ANO10: variants seen among roughly 807,000 people sequenced by gnomAD.
ANO10 encodes anoctamin-10.
ANO10 carries 77 observed loss-of-function variants against 74.7 expected under a neutral mutation model. The ratio of observed to expected loss-of-function variants is 1.03; its 90% CI spans 0.86 to 1.25. The LOEUF is 1.25. Ranked by LOEUF, ANO10 falls within the 50% of genes most tolerant of loss-of-function variation. ANO10 has a pLI of 0.00. For synonymous variants in ANO10, 279 were observed against 284.9 expected (o/e 0.98, Z 0.21); for missense variants, 721 against 778.1 (o/e 0.93, Z 0.87).
intron 1 of ANO10, among the ~76,000 whole-genome samples, chr3:43,668,342 T>C (rs922911498): frequency 1.3e-5 from 2 of 152,178 alleles, no homozygotes; most frequent in Non-Finnish European, 2.9e-5. Context: ...CTTCGTTAGA[T>C]GCAAATTTTG....
intron 11 of ANO10, among the ~76,000 whole-genome samples, chr3:43,467,292 A>G (rs1308928700): frequency 6.6e-6 from 1 of 152,248 alleles, no homozygotes; most frequent in Non-Finnish European, 1.5e-5. Context: ...AAATGGGTAC[A>G]AGAATGTTCA....
intron 9 of ANO10, among the ~76,000 whole-genome samples, chr3:43,557,154 G>GAA (rs923636081): frequency 6.9e-6 from 1 of 144,088 alleles, no homozygotes; most frequent in Admixed American, 6.9e-5. Flanking sequence ...TAAAATGAAG[G>GAA]AAAAAAAAAA....
chr3:43,404,231 C>A (rs1468116260), intron 12 of ANO10, among the ~76,000 whole-genome samples: 2 of 152,124 alleles, frequency 1.3e-5, no homozygotes, highest in African/African-American at 4.8e-5. Flanking sequence ...AAGTAAGTGT[C>A]ATGCTGCGAG....
chr3:43,643,678 C>CTTTTTT (rs1310556861), intron 1 of ANO10, among the ~76,000 whole-genome samples: 14 of 133,622 alleles, frequency 1.0e-4, no homozygotes, highest in African/African-American at 4.0e-4. Context: ...TTGTCCTCAT[C>CTTTTTT]TTTTCTTTTT....
At chr3:43,381,650 A>T (rs1165860939) in intron 12 of ANO10, among the ~76,000 whole-genome samples, 2 of 152,234 alleles carry the variant, frequency 1.3e-5, no homozygotes, top group Admixed American at 6.5e-5. Flanking sequence ...TGACAGCACT[A>T]GACAGGTCAT....
At chr3:43,459,779 T>G (rs2075299883) in intron 11 of ANO10, among the ~76,000 whole-genome samples, 1 of 152,134 alleles carries the variant, frequency 6.6e-6, no homozygotes, top group Non-Finnish European at 1.5e-5. Flanking sequence ...GGGACTGAGC[T>G]CCAGGCTGGT....
At chr3:43,448,109 G>C (rs2093275709) in intron 11 of ANO10, among the ~76,000 whole-genome samples, 1 of 152,130 alleles carries the variant, frequency 6.6e-6, no homozygotes, top group South Asian at 2.1e-4. Context: ...TCTACCACAT[G>C]AGGATTCAAG....
chr3:43,524,341 T>G (rs892856238), intron 11 of ANO10, among the ~76,000 whole-genome samples: 1 of 4,016 alleles, frequency 2.5e-4, no homozygotes, highest in African/African-American at 3.4e-4. Flanking sequence ...TTTGTCAAGT[T>G]TCCAACTCAA....
intron 12 of ANO10, among the ~76,000 whole-genome samples, chr3:43,411,059 A>G (rs1289566753): frequency 6.6e-6 from 1 of 152,030 alleles, no homozygotes; most frequent in African/African-American, 2.4e-5. Context: ...GTATGTGTAC[A>G]CTTTTTTTGT....
intron 11 of ANO10, among the ~76,000 whole-genome samples, chr3:43,507,929 T>C (rs2077358326): frequency 6.6e-6 from 1 of 152,096 alleles, no homozygotes; most frequent in African/African-American, 2.4e-5. Context: ...AAGGAAATGT[T>C]CTAGGTGTTT....
At chr3:43,451,870 C>A (rs1204131487) in intron 11 of ANO10, among the ~76,000 whole-genome samples, 2 of 152,184 alleles carry the variant, frequency 1.3e-5, no homozygotes, top group Non-Finnish European at 1.5e-5. Flanking sequence ...ATTTTTGGAA[C>A]TCTTAGATAT....
chr3:43,568,088 G>A (rs1278826739), intron 7 of ANO10, among the ~76,000 whole-genome samples: 4 of 152,076 alleles, frequency 2.6e-5, no homozygotes, highest in Non-Finnish European at 4.4e-5. Context: ...AGACAAAGAA[G>A]GCCATTACAT....
At chr3:43,679,704 T>C (rs1026471320) in intron 1 of ANO10, among the ~76,000 whole-genome samples, 9 of 152,162 alleles carry the variant, frequency 5.9e-5, no homozygotes, top group Non-Finnish European at 1.2e-4. Flanking sequence ...AGGGGCAGAC[T>C]GTCACTTCAC....
At chr3:43,515,780 G>A (rs2077684817) in intron 11 of ANO10, among the ~76,000 whole-genome samples, 5 of 152,148 alleles carry the variant, frequency 3.3e-5, no homozygotes, top group Admixed American at 3.3e-4. Flanking sequence ...GCTTCGTATT[G>A]CTAAGAACTT....
intron 10 of ANO10, among the ~76,000 whole-genome samples, chr3:43,552,696 GGA>G (rs1491245403): frequency 3.1e-3 from 160 of 51,136 alleles, no homozygotes; most frequent in Middle Eastern, 0.013. Flanking sequence ...TATTATCTCT[GGA>G]TATATATATA....
intron 1 of ANO10, among the ~76,000 whole-genome samples, chr3:43,688,430 A>G (rs1281577056): frequency 6.6e-6 from 1 of 152,234 alleles, no homozygotes. Context: ...ACTCCATCTC[A>G]GATGCTAATC....
intron 1 of ANO10, chr3:43,689,487 G>GT (rs1195482076): frequency 1.3e-5 from 2 of 152,054 alleles, no homozygotes; most frequent in Non-Finnish European, 2.9e-5. Context: ...CTGTAAAAAT[G>GT]TTTTTTATAT....
chr3:43,598,341 T>C (rs568366233), intron 4 of ANO10, among the ~76,000 whole-genome samples, 191 bp downstream of exon 4: 1 of 152,308 alleles, frequency 6.6e-6, no homozygotes, highest in African/African-American at 2.4e-5. Context: ...GATAAATAAG[T>C]AGTCAACAAT....
intron 1 of ANO10, among the ~76,000 whole-genome samples, chr3:43,680,302 T>A (rs1228967237): frequency 3.9e-5 from 6 of 152,126 alleles, no homozygotes; most frequent in East Asian, 1.9e-4. Context: ...CAAGCCTCAG[T>A]AGCCAATTTG....
Sources: allele counts gnomAD v4.1 joint callset (sites outside exome capture counted in the v4.1 genomes callset), GRCh38; gene constraint gnomAD v4.1.1; transcripts MANE v1.5; gene names NCBI Gene and HGNC (gene_info 2026-07-23, HGNC 2026-07-21).